Variants in HERC2 observed in about 807,000 individuals in gnomAD.
The protein encoded by HERC2 is E3 ubiquitin-protein ligase HERC2.
A neutral mutation model predicts 537.7 loss-of-function variants in HERC2; 102 were observed. The ratio of observed to expected loss-of-function variants is 0.19; its 90% CI spans 0.16 to 0.22. The LOEUF (loss-of-function observed/expected upper bound fraction) is 0.22. HERC2 is among the 10% of genes least tolerant of loss of function. The pLI is 1.00. For synonymous variants in HERC2, 2,224 were observed against 2,466.2 expected, an observed-to-expected ratio of 0.90 and a Z score of 2.91; for missense variants, 4,236 against 6,198.2, an observed-to-expected ratio of 0.68 and a Z score of 10.63.
chr15:28,186,954 A>C (rs1408174314), intron 55 of HERC2, among the ~76,000 whole-genome samples: 3 of 152,214 alleles, frequency 2.0e-5, no homozygotes, highest in Non-Finnish European at 2.9e-5. Flanking sequence ...TGGTCAACTC[A>C]TCAAGATGTC....
chr15:28,238,578 A>T, intron 24 of HERC2, 24 bp downstream of exon 24: 1 of 1,593,220 alleles, frequency 6.3e-7, no homozygotes, highest in South Asian at 1.1e-5. Flanking sequence ...ACTTTTAACC[A>T]GGAAATAACA....
intron 31 of HERC2, among the ~76,000 whole-genome samples, chr15:28,230,120 G>T (rs1391541722): frequency 1.3e-5 from 2 of 152,160 alleles, no homozygotes; most frequent in Non-Finnish European, 2.9e-5. Flanking sequence ...CTGGAACAAA[G>T]AATATATTTA....
intron 79 of HERC2, among the ~76,000 whole-genome samples, chr15:28,134,266 G>T (rs1488887924): frequency 1.3e-5 from 2 of 152,088 alleles, no homozygotes; most frequent in Non-Finnish European, 2.9e-5. Context: ...TCACTTTCTG[G>T]TTACGTATAT....
chr15:28,121,444 A>G lies in HERC2; in HGVS notation c.13189-15T>C, dbSNP rs779414137. The G allele has an allele frequency of 1.2e-6, 2 of 1,601,480 alleles. No homozygotes were observed. Among genetic ancestry groups the G allele is most frequent in the East Asian group, 2.2e-5 (1 of 44,788 alleles). On this transcript the variant is annotated splice_polypyrimidine_tract_variant and intron_variant, in intron 85 of 92. Coordinates refer to ENST00000261609, the MANE Select transcript of HERC2 (RefSeq NM_004667.6). ...AAAGCCGCCTCCTAAAACACATCAAACAGACAAAATTTAGAATCTGATATG... is the reference window on the plus strand; with the variant it reads ...AAAGCCGCCTCCTAAAACACATCAAGCAGACAAAATTTAGAATCTGATATG...
At chr15:28,125,740 T>A (rs1252160429) in intron 83 of HERC2, among the ~76,000 whole-genome samples, 1 of 152,148 alleles carries the variant, frequency 6.6e-6, no homozygotes, top group Non-Finnish European at 1.5e-5. Flanking sequence ...ACTGGCATGA[T>A]CACGGTTCAC....
At chr15:28,128,741 AG>A (rs1269207949) in intron 83 of HERC2, among the ~76,000 whole-genome samples, 1 of 152,222 alleles carries the variant, frequency 6.6e-6, no homozygotes, top group Non-Finnish European at 1.5e-5. Context: ...TTCGCTCTGC[AG>A]GTGAGAAGCC....
chr15:28,205,257 T>C (rs1361034183), intron 45 of HERC2, among the ~76,000 whole-genome samples: 2 of 126,746 alleles, frequency 1.6e-5, no homozygotes, highest in Admixed American at 8.3e-5. Flanking sequence ...GCCTTCCAGT[T>C]GTTCACACTC....
At chr15:28,310,080 G>T (rs1031583991) in intron 2 of HERC2, among the ~76,000 whole-genome samples, 2 of 152,334 alleles carry the variant, frequency 1.3e-5, no homozygotes, top group African/African-American at 4.8e-5. Flanking sequence ...TGAGGCAAGA[G>T]AATCACTTGT....
intron 56 of HERC2, among the ~76,000 whole-genome samples, chr15:28,183,808 G>A (rs562032641): frequency 6.6e-6 from 1 of 152,108 alleles, no homozygotes; most frequent in Non-Finnish European, 1.5e-5. Context: ...AATAAAAGTG[G>A]AAAACTCTTT....
At chr15:28,181,485 A>T (rs1443176823) in intron 57 of HERC2, among the ~76,000 whole-genome samples, 1 of 152,234 alleles carries the variant, frequency 6.6e-6, no homozygotes, top group Non-Finnish European at 1.5e-5. Flanking sequence ...AGTTCAAATG[A>T]ATGAGTTCTA....
intron 69 of HERC2, among the ~76,000 whole-genome samples, chr15:28,153,402 C>A (rs963468525): frequency 2.0e-5 from 3 of 152,004 alleles, no homozygotes; most frequent in Admixed American, 1.3e-4. Context: ...ACTTGTAATA[C>A]AAGCACTTTG....
Position 28,196,207 on chromosome 15 carries a change from T to C in HERC2, c.8260+8A>G. ...GGTGGAAGAGAGAATATAAACATTC[T>C]GCCATACCTGGTTCATTTATTCTGC... is the stretch of plus-strand genomic sequence containing the variant. On this transcript the variant is annotated splice_region_variant and intron_variant, in intron 52 of 92. Coordinates refer to ENST00000261609, the MANE Select transcript of HERC2 (RefSeq NM_004667.6). 2.5e-6 allele frequency: 3 copies of C among 1,189,572 alleles called. No individual in the cohort carries two copies. Among genetic ancestry groups the C allele is most frequent in the Non-Finnish European group, 3.6e-6 (3 of 835,746 alleles). 73.7% of individuals were successfully genotyped at this position (1,189,572 alleles called of 1,614,324 possible). A position where few individuals can be genotyped will look rare whatever the true frequency, so the allele number is the denominator to read the frequency against.
At chr15:28,309,018 G>C (rs896713488) in intron 2 of HERC2, among the ~76,000 whole-genome samples, 2 of 152,194 alleles carry the variant, frequency 1.3e-5, no homozygotes, top group African/African-American at 4.8e-5. Flanking sequence ...TCTTTGATGT[G>C]TCTTTGTCTG....
chr15:28,226,829 T>A (rs907429663), intron 35 of HERC2, among the ~76,000 whole-genome samples: 2 of 152,210 alleles, frequency 1.3e-5, no homozygotes, highest in Admixed American at 1.3e-4. Flanking sequence ...TCAAATGATA[T>A]ACCTGATAAA....
intron 44 of HERC2, among the ~76,000 whole-genome samples, chr15:28,209,603 A>C (rs1898908332): frequency 6.6e-6 from 1 of 152,164 alleles, no homozygotes; most frequent in South Asian, 2.1e-4. Context: ...TTAGCCTCCC[A>C]AAGTGCTGGG....
intron 34 of HERC2, 53 bp from the exon 35 acceptor site, chr15:28,228,462 CG>C (rs1326851806): frequency 1.3e-6 from 2 of 1,545,116 alleles, no homozygotes; most frequent in Non-Finnish European, 1.8e-6. Flanking sequence ...CAAGAATAAA[CG>C]TAACGCAGAA....
chr15:28,239,639 T>C (rs1370365653), intron 23 of HERC2, among the ~76,000 whole-genome samples: 1 of 145,682 alleles, frequency 6.9e-6, no homozygotes. Flanking sequence ...ACAGAAAGCA[T>C]GCAGCATGAC....
At chr15:28,254,247 C>T in intron 20 of HERC2, 93 bp downstream of exon 20, 1 of 848,360 alleles carries the variant, frequency 1.2e-6, no homozygotes. Flanking sequence ...GGCGCCATAG[C>T]ACTCCGGCCT....
intron 69 of HERC2, among the ~76,000 whole-genome samples, chr15:28,156,303 G>C (rs577243393): frequency 2.0e-5 from 3 of 152,338 alleles, no homozygotes; most frequent in African/African-American, 7.2e-5. Context: ...TGTGAAGAAA[G>C]TCATTGGTAG....
Sources: gnomAD v4.1 joint callset for allele counts (sites outside exome capture counted in the v4.1 genomes callset) on GRCh38, gnomAD v4.1.1 for gene constraint, MANE v1.5 for transcripts, NCBI Gene and HGNC (gene_info 2026-07-23, HGNC 2026-07-21) for gene names.